PDGFD: variants seen among roughly 807,000 people sequenced by gnomAD.
PDGFD encodes the protein platelet derived growth factor D, also known as platelet-derived growth factor D.
Under a neutral mutation model 44.7 loss-of-function variants are expected in PDGFD, and 30 were observed. The observed-to-expected ratio is 0.67, with a 90% confidence interval of 0.50 to 0.91. The LOEUF is 0.91. PDGFD is among the 40% of genes least tolerant of loss of function. The pLI is 0.00. For synonymous variants in PDGFD, 173 were observed against 168.4 expected, an observed-to-expected ratio of 1.03 and a Z score of -0.21; for missense variants, 445 against 457.8, an observed-to-expected ratio of 0.97 and a Z score of 0.25.
rs1420864262 is a variant in PDGFD at position 103,909,713 on chromosome 11, C to G, written c.1094G>C (p.Ser365Thr). 1 of 1,614,056 alleles carries G rather than the reference C, an allele frequency of 6.2e-7. No homozygotes were observed. The highest frequency in any genetic ancestry group is 1.1e-5 in the South Asian group (1 of 91,082). ...DHHERCDCIC[S>T]SRPPR Reference sequence around the variant, plus strand: ...ATTCTCTTATCGAGGTGGTCTTGAGCTGCAGATACAATCACATCGTTCATG... The same window carrying G: ...ATTCTCTTATCGAGGTGGTCTTGAGGTGCAGATACAATCACATCGTTCATG... The change falls in exon 7 of 7, where the codon AGC becomes ACC. Residue 365 changes from serine (S) to threonine (T), a missense_variant. Transcript: ENST00000393158.
intron 1 of PDGFD, among the ~76,000 whole-genome samples, chr11:104,024,948 T>G (rs1315519863): frequency 6.6e-6 from 1 of 152,250 alleles, no homozygotes; most frequent in East Asian, 1.9e-4. Flanking sequence ...CATAAGTGAT[T>G]GATACTTTAG....
intron 1 of PDGFD, among the ~76,000 whole-genome samples, chr11:104,064,468 C>T (rs906490671): frequency 4.6e-5 from 7 of 152,110 alleles, no homozygotes; most frequent in South Asian, 2.1e-4. Context: ...CAGGCGGAGA[C>T]GGAATCAGTT....
At chr11:104,044,371 G>C (rs1860406250) in intron 1 of PDGFD, among the ~76,000 whole-genome samples, 1 of 152,110 alleles carries the variant, frequency 6.6e-6, no homozygotes, top group Non-Finnish European at 1.5e-5. Flanking sequence ...GACAGCATCT[G>C]ATTAATAAAT....
In PDGFD at chr11:104,099,846, G is replaced by T. The variant is rs1861345433; in HGVS notation, c.124+63958C>A. On this transcript the variant is annotated intron_variant, in intron 1 of 6. Coordinates refer to ENST00000393158, the MANE Select transcript of PDGFD (RefSeq NM_025208.5). ...TAATATTTATCCAATTGCTAACGTA[G>T]ATATCACCCTTCATGCATGTTACGT... Among the ~76,000 whole-genome samples the T allele has an allele frequency of 3.3e-5, 5 of 151,986 alleles. No individual in the cohort carries two copies. In the South Asian group the frequency reaches 1.0e-3, roughly 32 times the overall value.
intron 6 of PDGFD, among the ~76,000 whole-genome samples, chr11:103,910,069 T>C (rs1858004023): frequency 6.9e-6 from 1 of 145,026 alleles, no homozygotes; most frequent in African/African-American, 2.6e-5. Flanking sequence ...AGTACCCAGA[T>C]GATTTCATGT....
rs55959221 is a variant in PDGFD at position 104,131,801 on chromosome 11, TAAAAA to T, written c.124+31998_124+32002del. Among the ~76,000 whole-genome samples, 5 of 70,980 alleles carry T rather than the reference TAAAAA, an allele frequency of 7.0e-5. No homozygotes were observed. The East Asian group carries it at 1.8e-3, about 25-fold the overall frequency. The allele number at this position is 70,980 out of a possible 152,430, so 46.6% of individuals were successfully genotyped here. On this transcript the variant is annotated intron_variant, in intron 1 of 6. Transcript: ENST00000393158. Reference sequence around the variant, plus strand: ...AAGTATCCTAAATGGCAATGAACTGTAAAAAAAAAAAAAAAAAAAAAAAAAAGGGG... The same window carrying T: ...AAGTATCCTAAATGGCAATGAACTGTAAAAAAAAAAAAAAAAAAAAAGGGG...
rs1377031687 is a variant in PDGFD at position 103,909,396 on chromosome 11, A to G, written c.*298T>C. On this transcript the variant is annotated 3_prime_UTR_variant, in exon 7 of 7. Transcript: ENST00000393158. ...TGGTGTACCTGGTTATATATACCAA[A>G]AAAAACATTTGATCTATATACACAT... is the stretch of plus-strand genomic sequence containing the variant. The G allele has an allele frequency of 4.3e-6, 1 of 232,954 alleles. No individual in the cohort carries two copies. The highest frequency in any genetic ancestry group is 2.2e-5 in the African/African-American group (1 of 45,076). 14.4% of individuals were successfully genotyped at this position (232,954 alleles called of 1,614,324 possible). A position where few individuals can be genotyped will look rare whatever the true frequency, so the allele number is the denominator to read the frequency against.
At chr11:103,915,905 C>G (rs1858116491) in intron 6 of PDGFD, among the ~76,000 whole-genome samples, 2 of 152,164 alleles carry the variant, frequency 1.3e-5, no homozygotes. Flanking sequence ...AAAGCTGAAA[C>G]TGGATCCCTT....
chr11:104,128,617 T>C (rs1861873526), intron 1 of PDGFD, among the ~76,000 whole-genome samples: 1 of 152,144 alleles, frequency 6.6e-6, no homozygotes, highest in Admixed American at 6.5e-5. Flanking sequence ...AAAATACTGA[T>C]TCAGAAGAAG....
rs1364934740 is a variant in PDGFD, at chr11:103,943,654, A to T, written c.574-4T>A. ...ATGGAGAGTTATAGGATACCCCCTA[A>T]GAGTGACATACAGCTCAGTGTACTC... is the stretch of plus-strand genomic sequence containing the variant. On this transcript the variant is annotated splice_polypyrimidine_tract_variant and splice_region_variant and intron_variant, in intron 4 of 6. Transcript: ENST00000393158. The T allele has an allele frequency of 5.6e-6, 9 of 1,610,226 alleles. No individual in the cohort carries two copies. The highest frequency in any genetic ancestry group is 1.3e-5 in the African/African-American group (1 of 74,832).
At chr11:104,080,832 G>A (rs1315998033) in intron 1 of PDGFD, among the ~76,000 whole-genome samples, 1 of 152,166 alleles carries the variant, frequency 6.6e-6, no homozygotes, top group East Asian at 1.9e-4. Context: ...GCTCGCTCTG[G>A]TTGGAAACCA....
chr11:104,118,143 T>G (rs1466232578), intron 1 of PDGFD, among the ~76,000 whole-genome samples: 1 of 151,962 alleles, frequency 6.6e-6, no homozygotes, highest in Non-Finnish European at 1.5e-5. Context: ...CTTCCTGCTA[T>G]GGACTGAATG....
chr11:104,142,323 A>G (rs914422003), intron 1 of PDGFD, among the ~76,000 whole-genome samples: 1 of 152,152 alleles, frequency 6.6e-6, no homozygotes, highest in Non-Finnish European at 1.5e-5. Context: ...ATATATGTTT[A>G]TATGAATATG....
At chr11:104,035,412 C>A (rs1860209958) in intron 1 of PDGFD, among the ~76,000 whole-genome samples, 1 of 152,088 alleles carries the variant, frequency 6.6e-6, no homozygotes, top group South Asian at 2.1e-4. Context: ...CCTCTTTGAA[C>A]CACTGGAAAA....
chr11:103,911,824 A>G lies in PDGFD; in HGVS notation c.988-2005T>C, dbSNP rs139911448. ...CTGAAAAACGCAAGACAAGAACTTC[A>G]TGAAGCATACACAAGCTTCAATAGC... is the stretch of plus-strand genomic sequence containing the variant. On this transcript the variant is annotated intron_variant, in intron 6 of 6. Coordinates refer to ENST00000393158, the MANE Select transcript of PDGFD (RefSeq NM_025208.5). Among the ~76,000 whole-genome samples, 452 of 152,124 alleles carry G rather than the reference A, an allele frequency of 3.0e-3. 2 individuals are homozygous for G. The highest frequency in any genetic ancestry group is 0.01 in the African/African-American group (427 of 41,530).
intron 1 of PDGFD, among the ~76,000 whole-genome samples, chr11:104,155,653 C>T (rs76173919): frequency 0.06 from 9,187 of 152,182 alleles, 393 homozygotes; most frequent in Non-Finnish European, 0.094. Context: ...TCCTTATGAA[C>T]TCATTTACAC....
intron 1 of PDGFD, among the ~76,000 whole-genome samples, chr11:104,098,785 G>A (rs1026906446): frequency 2.0e-5 from 3 of 152,108 alleles, no homozygotes; most frequent in African/African-American, 4.8e-5. Context: ...CAAAGTGTGA[G>A]TCACTACATC....
chr11:103,917,548 A>G (rs1221902731), intron 6 of PDGFD, among the ~76,000 whole-genome samples: 1 of 151,936 alleles, frequency 6.6e-6, no homozygotes, highest in African/African-American at 2.4e-5. Flanking sequence ...GCACCATTAA[A>G]CAATTCTATA....
rs1427621313 is a variant in PDGFD, at chr11:104,119,394, TATA to T, written c.124+44407_124+44409del. 1.1e-4 allele frequency among the ~76,000 whole-genome samples: 6 copies of T among 55,294 alleles called. 2 individuals carry two copies. The highest frequency in any genetic ancestry group is 4.6e-4 in the African/African-American group (6 of 13,072). 36.3% of individuals were successfully genotyped at this position (55,294 alleles called of 152,430 possible). A position where few individuals can be genotyped will look rare whatever the true frequency, so the allele number is the denominator to read the frequency against. ...TATATTGATATAATATATAATATGA[TATA>T]ATATATAATATAATATATTGATATA... On this transcript the variant is annotated intron_variant, in intron 1 of 6. Transcript: ENST00000393158.
Sources: gnomAD v4.1 joint callset for allele counts (sites outside exome capture counted in the v4.1 genomes callset) on GRCh38, gnomAD v4.1.1 for gene constraint, MANE v1.5 for transcripts, NCBI Gene and HGNC (gene_info 2026-07-23, HGNC 2026-07-21) for gene names.